SRP54: variants seen among roughly 807,000 people sequenced by gnomAD.
SRP54 encodes the protein signal recognition particle 54.
A neutral mutation model predicts 64.8 loss-of-function variants in SRP54; 10 were observed. The ratio of observed to expected loss-of-function variants is 0.15; its 90% CI spans 0.10 to 0.26. The LOEUF (loss-of-function observed/expected upper bound fraction) is 0.26. SRP54 is among the 10% of genes least tolerant of loss of function. The pLI, the probability that SRP54 is intolerant of heterozygous loss-of-function variation, is 1.00. For missense variants in SRP54, 325 were observed against 613.7 expected, an observed-to-expected ratio of 0.53 and a Z score of 4.97; for synonymous variants, 193 against 185.6, an observed-to-expected ratio of 1.04 and a Z score of -0.32.
chr14:34,995,128 AT>A, intron 1 of SRP54, among the ~76,000 whole-genome samples: 1 of 108,550 alleles, frequency 9.2e-6, no homozygotes, highest in Non-Finnish European at 1.9e-5. Context: ...AGCAGAATCA[AT>A]AAAGGGTGTG....
intron 1 of SRP54, among the ~76,000 whole-genome samples, chr14:34,987,259 A>ATG (rs1296145213): frequency 0.022 from 2,462 of 112,962 alleles, 60 homozygotes; most frequent in African/African-American, 0.037. Context: ...ATATATATAT[A>ATG]TGTGTGTGTG....
intron 1 of SRP54, among the ~76,000 whole-genome samples, chr14:34,991,534 C>T (rs1165577783): frequency 2.0e-5 from 3 of 151,398 alleles, no homozygotes; most frequent in African/African-American, 7.3e-5. Context: ...AAGAGGGTTG[C>T]AGTTTTAAAT....
chr14:35,008,910 G>A (rs774783701), intron 7 of SRP54, 79 bp downstream of exon 7: 176 of 1,009,100 alleles, frequency 1.7e-4, no homozygotes, highest in Non-Finnish European at 2.2e-4. Flanking sequence ...TTTTTGAGAC[G>A]GAGTCTCCCT....
intron 4 of SRP54, among the ~76,000 whole-genome samples, chr14:35,001,764 G>A (rs2044177399): frequency 6.6e-6 from 1 of 152,084 alleles, no homozygotes; most frequent in Non-Finnish European, 1.5e-5. Flanking sequence ...TTGAATTAGT[G>A]AAAGTTTTAT....
rs1015206608 is a variant in SRP54, at chr14:34,983,033, T to A, written c.-216T>A. The A allele has an allele frequency of 5.3e-5, 8 of 152,374 alleles. No homozygotes were observed. The highest frequency in any genetic ancestry group is 1.9e-4 in the African/African-American group (8 of 41,464). The allele number at this position is 152,374 out of a possible 1,614,324, so 9.4% of individuals were successfully genotyped here. On this transcript the variant is annotated 5_prime_UTR_variant, in exon 1 of 16. Transcript: ENST00000216774. ...GCTGGCACTCCGTTGGTCTTCCAGCTGGTGGGAGTTGACGACGTGGTGCTG... is the reference window on the plus strand; with the variant it reads ...GCTGGCACTCCGTTGGTCTTCCAGCAGGTGGGAGTTGACGACGTGGTGCTG...
chr14:35,008,285 A>G (rs1172848157), intron 5 of SRP54, among the ~76,000 whole-genome samples: 4 of 152,184 alleles, frequency 2.6e-5, no homozygotes, highest in Non-Finnish European at 5.9e-5. Context: ...TTTTTCCACA[A>G]GCTTCACGTA....
At chr14:34,985,618 T>C (rs903755642) in intron 1 of SRP54, among the ~76,000 whole-genome samples, 3 of 152,212 alleles carry the variant, frequency 2.0e-5, no homozygotes, top group African/African-American at 7.2e-5. Flanking sequence ...TTACACTGTA[T>C]CTAAAGATGT....
chr14:35,003,522 G>A (rs2044209400), intron 4 of SRP54, among the ~76,000 whole-genome samples: 1 of 151,642 alleles, frequency 6.6e-6, no homozygotes, highest in Non-Finnish European at 1.5e-5. Flanking sequence ...CTACAGGCAT[G>A]CACCACCATG....
At chr14:34,994,774 C>T (rs1017690820) in intron 1 of SRP54, among the ~76,000 whole-genome samples, 2 of 151,730 alleles carry the variant, frequency 1.3e-5, no homozygotes, top group Non-Finnish European at 2.9e-5. Flanking sequence ...TAAAATTCTT[C>T]CTTTTCTGTT....
At chr14:34,988,599 T>TATATATAACATATATATATATAAC (rs1594976145) in intron 1 of SRP54, among the ~76,000 whole-genome samples, 1 of 103,534 alleles carries the variant, frequency 9.7e-6, no homozygotes, top group Non-Finnish European at 2.2e-5. Context: ...ATATATAACA[T>TATATATAACATATATATATATAAC]ATATATATAT....
chr14:35,001,126 C>A, intron 4 of SRP54, 106 bp downstream of exon 4: 111 of 346,036 alleles, frequency 3.2e-4, no homozygotes, highest in East Asian at 5.7e-4. Flanking sequence ...ATGGAATATT[C>A]ATCTGTATTA....
At chr14:34,992,828 G>C (rs751944980) in intron 1 of SRP54, among the ~76,000 whole-genome samples, 4 of 151,384 alleles carry the variant, frequency 2.6e-5, no homozygotes, top group African/African-American at 4.9e-5. Flanking sequence ...CCTAAAGTTT[G>C]CCCCCCCAAA....
Position 35,006,135 on chromosome 14 carries a change from G to A in SRP54, c.256-1148G>A, listed in dbSNP as rs185155254. ...ATTACAGGCATGAGCCACCGCGCCCGGCCCTAAATGTCCCATGCTTTTTTA... is the reference window on the plus strand; with the variant it reads ...ATTACAGGCATGAGCCACCGCGCCCAGCCCTAAATGTCCCATGCTTTTTTA... On this transcript the variant is annotated intron_variant, in intron 4 of 15. Transcript: ENST00000216774. 2.6e-5 allele frequency among the ~76,000 whole-genome samples: 4 copies of A among 151,550 alleles called. No homozygotes were observed. In the East Asian group the frequency reaches 5.9e-4, roughly 22 times the overall value.
chr14:35,012,217 C>CAA (rs60971433), intron 8 of SRP54, among the ~76,000 whole-genome samples: 101 of 107,276 alleles, frequency 9.4e-4, no homozygotes, highest in Non-Finnish European at 1.5e-3. Flanking sequence ...ACTCCATCTC[C>CAA]AAAAAAAAAA....
At chr14:35,009,781 A>G (rs2044325449) in intron 7 of SRP54, among the ~76,000 whole-genome samples, 1 of 152,120 alleles carries the variant, frequency 6.6e-6, no homozygotes, top group African/African-American at 2.4e-5. Context: ...TAATCCCAGC[A>G]CTTCGGGAGG....
chr14:35,006,857 G>T (rs2044264833), intron 4 of SRP54, among the ~76,000 whole-genome samples: 1 of 152,064 alleles, frequency 6.6e-6, no homozygotes, highest in African/African-American at 2.4e-5. Context: ...TATTATAATA[G>T]CTTATGGTAG....
Position 35,013,895 on chromosome 14 carries a change from A to G in SRP54, c.879A>G (p.Lys293=). 2 of 1,609,658 alleles carry G rather than the reference A, an allele frequency of 1.2e-6. No homozygotes were observed. The highest frequency in any genetic ancestry group is 1.7e-6 in the Non-Finnish European group (2 of 1,176,004). ...EPFKTQPFIS[K]LLGMGDIEGL... Reference sequence around the variant, plus strand: ...TCAAAACACAGCCTTTTATTAGCAAACTTCTTGGTATGTACAGTGGTGGGG... The same window carrying G: ...TCAAAACACAGCCTTTTATTAGCAAGCTTCTTGGTATGTACAGTGGTGGGG... The change falls in exon 10 of 16, where the codon AAA becomes AAG. Residue 293 remains lysine (K), a synonymous_variant. Coordinates refer to ENST00000216774, the MANE Select transcript of SRP54 (RefSeq NM_003136.4).
intron 1 of SRP54, among the ~76,000 whole-genome samples, chr14:34,995,716 T>C (rs1179681449): frequency 6.6e-6 from 1 of 152,194 alleles, no homozygotes; most frequent in Non-Finnish European, 1.5e-5. Flanking sequence ...TGACTATTTT[T>C]TGGAAGAACC....
At chr14:35,009,047 C>T (rs1471716506) in intron 7 of SRP54, among the ~76,000 whole-genome samples, 1 of 151,882 alleles carries the variant, frequency 6.6e-6, no homozygotes, top group Admixed American at 6.6e-5. Flanking sequence ...CCACCATGCC[C>T]ATCTAAATTT....
Sources: gnomAD v4.1 joint callset for allele counts (sites outside exome capture counted in the v4.1 genomes callset) on GRCh38, gnomAD v4.1.1 for gene constraint, MANE v1.5 for transcripts, NCBI Gene and HGNC (gene_info 2026-07-23, HGNC 2026-07-21) for gene names.